Variants in EEF2KMT observed in about 807,000 individuals in gnomAD.
EEF2KMT encodes eukaryotic elongation factor 2 lysine methyltransferase.
A neutral mutation model predicts 35.1 loss-of-function variants in EEF2KMT; 30 were observed. That is an observed-to-expected ratio of 0.85 (90% CI 0.64 to 1.16). The LOEUF is 1.16. Ranked by LOEUF, EEF2KMT falls within the 50% of genes most tolerant of loss-of-function variation. The pLI is 0.00. For missense variants in EEF2KMT, 499 were observed against 438.2 expected, an observed-to-expected ratio of 1.14 and a Z score of -1.24; for synonymous variants, 190 against 187.7, an observed-to-expected ratio of 1.01 and a Z score of -0.10.
chr16:5,097,050 T>G (rs1045126858), intron 1 of EEF2KMT, among the ~76,000 whole-genome samples: 48 of 152,290 alleles, frequency 3.2e-4, no homozygotes, highest in Admixed American at 6.5e-4. Context: ...CCGGGTGCAT[T>G]AAGCCCCTCT....
intron 1 of EEF2KMT, among the ~76,000 whole-genome samples, chr16:5,096,875 G>A (rs2334146): frequency 1.3e-5 from 2 of 152,210 alleles, no homozygotes; most frequent in South Asian, 2.1e-4. Context: ...AAAAATGCAC[G>A]AATTTCTCTT....
In EEF2KMT at chr16:5,090,457, C is replaced by T. The variant is rs181702895; in HGVS notation, c.451G>A (p.Glu151Lys). Residue 151 changes from glutamate (E) to lysine (K), a missense_variant, in exon 5 of 8, where the codon GAG becomes AAG. Coordinates refer to ENST00000427587, the MANE Select transcript of EEF2KMT (RefSeq NM_201400.4). The surrounding 1 kb of genome is among the most constrained non-coding windows in gnomAD (Gnocchi z 4.1). Reference protein sequence around the residue: ...AALYLAEWAIENPAVFTNRTV... With the variant: ...AALYLAEWAIKNPAVFTNRTV... ...CTGTTAGTGAAGACTGCCGGGTTCTCGATGGCCCATTCTGCAAGGTAGAGG... is the reference window on the plus strand; with the variant it reads ...CTGTTAGTGAAGACTGCCGGGTTCTTGATGGCCCATTCTGCAAGGTAGAGG... 216 of 1,612,016 alleles carry T rather than the reference C, an allele frequency of 1.3e-4. No homozygotes were observed. Among genetic ancestry groups the T allele is most frequent in the Admixed American group, 3.7e-4 (22 of 60,014 alleles).
In EEF2KMT at chr16:5,097,750, G is replaced by A. The variant is rs552688404; in HGVS notation, c.-11C>T. The A allele has an allele frequency of 9.0e-6, 14 of 1,551,454 alleles. No homozygotes were observed. In the African/African-American group the frequency reaches 9.5e-5, roughly 11 times the overall value. On this transcript the variant is annotated 5_prime_UTR_variant, in exon 1 of 8. Coordinates refer to ENST00000427587, the MANE Select transcript of EEF2KMT (RefSeq NM_201400.4). ...CTCCTCGGGCGCCATGACGTGGGCG[G>A]GGCCGCAGCGTTGCCGGCAGACCGG...
In EEF2KMT at chr16:5,097,782, G is replaced by C. The variant is rs1957509702; in HGVS notation, c.-43C>G. 1.3e-6 allele frequency: 2 copies of C among 1,533,338 alleles called. No individual in the cohort carries two copies. Among genetic ancestry groups the C allele is most frequent in the South Asian group, 1.2e-5 (1 of 83,724 alleles). The allele number at this position is 1,533,338 out of a possible 1,614,324, so 95.0% of individuals were successfully genotyped here. ...AGCGTTGCCGGCAGACCGGGCGGAAGCCCGGCCTGGACTGAAGAGGGGGCG... is the reference window on the plus strand; with the variant it reads ...AGCGTTGCCGGCAGACCGGGCGGAACCCCGGCCTGGACTGAAGAGGGGGCG... On this transcript the variant is annotated 5_prime_UTR_variant, in exon 1 of 8. Coordinates refer to ENST00000427587, the MANE Select transcript of EEF2KMT (RefSeq NM_201400.4).
chr16:5,095,447 C>T lies in EEF2KMT; in HGVS notation c.159+5G>A. On this transcript the variant is annotated splice_donor_5th_base_variant and intron_variant, in intron 2 of 7. Coordinates refer to ENST00000427587, the MANE Select transcript of EEF2KMT (RefSeq NM_201400.4). Reference sequence around the variant, plus strand: ...CATGAGTCCCAGGGACTCTGGGATTCTTACCTTGTGCAAAATATCCCGCAG... The same window carrying T: ...CATGAGTCCCAGGGACTCTGGGATTTTTACCTTGTGCAAAATATCCCGCAG... 6.2e-7 allele frequency: 1 copy of T among 1,611,642 alleles called. No homozygotes were observed. The highest frequency in any genetic ancestry group is 8.5e-7 in the Non-Finnish European group (1 of 1,179,582).
At position 5,090,831 on chromosome 16, in the gene EEF2KMT, CAGT is replaced by C. The variant is rs549399439; in HGVS notation, c.343-269_343-267del. Among the ~76,000 whole-genome samples the C allele has an allele frequency of 3.6e-3, 544 of 152,246 alleles. 4 individuals carry two copies. The highest frequency in any genetic ancestry group is 5.3e-3 in the Non-Finnish European group (359 of 68,006). On this transcript the variant is annotated intron_variant, in intron 4 of 7. Coordinates refer to ENST00000427587, the MANE Select transcript of EEF2KMT (RefSeq NM_201400.4). This position sits in a 1 kb window ranked among gnomAD's most constrained non-coding sequence, Gnocchi z 4.1. Reference sequence around the variant, plus strand: ...GGAATTCTGGCGATGGAACACATGTCAGTGGTGGCCAGGGGACAGGTGTGGCTA... The same window carrying C: ...GGAATTCTGGCGATGGAACACATGTCGGTGGCCAGGGGACAGGTGTGGCTA...
rs183777877 is a variant in EEF2KMT at position 5,084,590 on chromosome 16, G to A, written c.*1042C>T. On this transcript the variant is annotated 3_prime_UTR_variant, in exon 8 of 8. Coordinates refer to ENST00000427587, the MANE Select transcript of EEF2KMT (RefSeq NM_201400.4). ...GAAACTGTGATGTCAAGTTGGAGGC[G>A]GAGTGCTGCTGGGGTGTGAAGGGTC... 140 of 1,116,452 alleles carry A rather than the reference G, an allele frequency of 1.3e-4. No individual in the cohort carries two copies. Among genetic ancestry groups the A allele is most frequent in the Non-Finnish European group, 1.5e-4 (118 of 770,084 alleles). The allele number at this position is 1,116,452 out of a possible 1,614,324, so 69.2% of individuals were successfully genotyped here.
At chr16:5,097,521 G>A (rs1459611889) in intron 1 of EEF2KMT, 123 bp downstream of exon 1, 1 of 1,481,962 alleles carries the variant, frequency 6.7e-7, no homozygotes. Context: ...GCGCGGCCCT[G>A]ACCGGCGGGA....
intron 7 of EEF2KMT, 28 bp downstream of exon 7, chr16:5,089,079 G>A (rs758587121): frequency 6.2e-7 from 1 of 1,611,640 alleles, no homozygotes. Flanking sequence ...CAGGGACCAT[G>A]CAGGCCCGGG....
intron 7 of EEF2KMT, among the ~76,000 whole-genome samples, chr16:5,088,856 C>G (rs1400395338): frequency 6.6e-6 from 1 of 152,154 alleles, no homozygotes; most frequent in Non-Finnish European, 1.5e-5. Flanking sequence ...CTTAGGGAAC[C>G]CTGCTCTGAA....
In EEF2KMT at chr16:5,090,488, G is replaced by A. The variant is rs145585176; in HGVS notation, c.420C>T (p.Asp140=). The stretch of plus-strand genomic sequence containing the variant: ...CCCATTCTGCAAGGTAGAGGGCGGC[G>A]TCCCATGTGACCAGGCCTGTGGTAC... ...SYGTTGLVTW[D]AALYLAEWAI... is the part of the protein sequence containing the mutation. The change falls in exon 5 of 8, where the codon GAC becomes GAT. Residue 140 remains aspartate (D), a synonymous_variant. Coordinates refer to ENST00000427587, the MANE Select transcript of EEF2KMT (RefSeq NM_201400.4). The surrounding 1 kb of genome is among the most constrained non-coding windows in gnomAD (Gnocchi z 4.1). The A allele has an allele frequency of 3.0e-5, 48 of 1,612,026 alleles. No homozygotes were observed. In the Middle Eastern group the frequency reaches 6.8e-4, roughly 23 times the overall value.
intron 3 of EEF2KMT, among the ~76,000 whole-genome samples, chr16:5,092,906 GC>G (rs1701007643): frequency 6.6e-6 from 1 of 152,080 alleles, no homozygotes; most frequent in African/African-American, 2.4e-5. Flanking sequence ...GTTTCAGGGA[GC>G]CGAGATTGTG....
Position 5,084,568 on chromosome 16 carries a change from A to G in EEF2KMT, c.*1064T>C, listed in dbSNP as rs984544078. 166 of 982,478 alleles carry G rather than the reference A, an allele frequency of 1.7e-4. 1 individual carries two copies. The Middle Eastern group carries it at 5.3e-3, about 31-fold the overall frequency. 60.9% of individuals were successfully genotyped at this position (982,478 alleles called of 1,614,324 possible). On this transcript the variant is annotated 3_prime_UTR_variant, in exon 8 of 8. Transcript: ENST00000427587. The stretch of plus-strand genomic sequence containing the variant: ...GGGACATGCGGGGAAGTTTCCAGAA[A>G]CTGTGATGTCAAGTTGGAGGCGGAG...
chr16:5,094,366 G>A (rs1168006333), intron 2 of EEF2KMT, among the ~76,000 whole-genome samples: 1 of 152,156 alleles, frequency 6.6e-6, no homozygotes, highest in Non-Finnish European at 1.5e-5. Context: ...GGGTTCAAGC[G>A]ATTCTCCTGC....
chr16:5,088,773 T>C (rs562936762), intron 7 of EEF2KMT, among the ~76,000 whole-genome samples: 1 of 152,102 alleles, frequency 6.6e-6, no homozygotes, highest in South Asian at 2.1e-4. Context: ...AGGCCACAGC[T>C]GTGTCCAGCC....
chr16:5,097,760 G>T lies in EEF2KMT; in HGVS notation c.-21C>A, dbSNP rs1208836887. The T allele has an allele frequency of 5.8e-6, 9 of 1,543,320 alleles. No homozygotes were observed. The highest frequency in any genetic ancestry group is 6.1e-6 in the Non-Finnish European group (7 of 1,150,502). On this transcript the variant is annotated 5_prime_UTR_variant, in exon 1 of 8. Coordinates refer to ENST00000427587, the MANE Select transcript of EEF2KMT (RefSeq NM_201400.4). ...GCCATGACGTGGGCGGGGCCGCAGC[G>T]TTGCCGGCAGACCGGGCGGAAGCCC...
chr16:5,094,534 A>G (rs1438645023), intron 2 of EEF2KMT, among the ~76,000 whole-genome samples: 2 of 151,048 alleles, frequency 1.3e-5, no homozygotes, highest in African/African-American at 4.9e-5. Flanking sequence ...AAGTCCTGGG[A>G]TTACAGGTGT....
chr16:5,096,730 A>G (rs1288291657), intron 1 of EEF2KMT, among the ~76,000 whole-genome samples: 1 of 152,202 alleles, frequency 6.6e-6, no homozygotes, highest in Non-Finnish European at 1.5e-5. Context: ...GTCAAATGTG[A>G]GTGGTAATAA....
chr16:5,089,210 C>T lies in EEF2KMT; in HGVS notation c.789G>A (p.Leu263=), dbSNP rs1453451913. ...PEAIMSLVGV[L]RRLAACREHQ... ...GCTCCCGGCAGGCAGCCAGCCTCCG[C>T]AGGACCCCGACCAGCGACATGATGG... Residue 263 remains leucine (L), a synonymous_variant, in exon 7 of 8, where the codon CTG becomes CTA. Coordinates refer to ENST00000427587, the MANE Select transcript of EEF2KMT (RefSeq NM_201400.4). The T allele has an allele frequency of 2.5e-6, 4 of 1,609,992 alleles. No individual in the cohort carries two copies. Among genetic ancestry groups the T allele is most frequent in the African/African-American group, 2.7e-5 (2 of 74,886 alleles).
Sources: gnomAD v4.1 joint callset for allele counts (sites outside exome capture counted in the v4.1 genomes callset) on GRCh38, gnomAD v4.1.1 for gene constraint, Gnocchi (gnomAD v3.1) non-coding constraint, MANE v1.5 for transcripts, NCBI Gene and HGNC (gene_info 2026-07-23, HGNC 2026-07-21) for gene names.